TSHR: variants seen among roughly 807,000 people sequenced by gnomAD.
TSHR encodes thyroid stimulating hormone receptor, also known as thyrotropin receptor.
In TSHR, 51 loss-of-function variants were observed where a neutral mutation model predicts 64.1. The observed-to-expected ratio is 0.80, with a 90% CI of 0.64 to 1.01. TSHR has a LOEUF of 1.01. Ranked by LOEUF, TSHR falls within the 50% of genes least tolerant of loss-of-function variation. The pLI is 0.00. For missense variants in TSHR, 877 were observed against 942.8 expected (o/e 0.93, Z 0.91); for synonymous variants, 361 against 361.9 (o/e 1.00, Z 0.03).
chr14:81,028,486 C>A (rs1884185994), intron 1 of TSHR, among the ~76,000 whole-genome samples: 1 of 151,838 alleles, frequency 6.6e-6, no homozygotes, highest in Non-Finnish European at 1.5e-5. Context: ...TGATAAACCC[C>A]CTACATTGAG....
intron 1 of TSHR, among the ~76,000 whole-genome samples, chr14:80,981,647 G>A (rs778056584): frequency 1.3e-5 from 2 of 152,126 alleles, no homozygotes; most frequent in African/African-American, 4.8e-5. Context: ...GTTCACTAGG[G>A]AGTTAACTAA....
intron 1 of TSHR, among the ~76,000 whole-genome samples, chr14:81,010,708 A>G (rs546416119): frequency 1.3e-5 from 2 of 152,284 alleles, no homozygotes; most frequent in East Asian, 1.9e-4. Flanking sequence ...ACCCCAGTAC[A>G]ATGTTGAATA....
In TSHR at chr14:81,143,613, C is replaced by A. The variant is rs756016910; in HGVS notation, c.1555C>A (p.Arg519Ser). Residue 519 changes from arginine to serine, a missense_variant, in exon 10 of 10, where the codon CGC (arginine) becomes AGC (serine). Physicochemically the swap from Arg to Ser is moderately radical, Grantham distance 110. Transcript: ENST00000298171. ...TACGCTGACGGTCATCACCCTGGAG[C>A]GCTGGTATGCCATCACCTTCGCCAT... is the stretch of plus-strand genomic sequence containing the variant. The part of the protein sequence containing the change: ...VYTLTVITLE[R>S]WYAITFAMRL... 6.2e-7 allele frequency: 1 copy of A among 1,613,798 alleles called. No homozygotes were observed. The highest frequency in any genetic ancestry group is 8.5e-7 in the Non-Finnish European group (1 of 1,180,018).
At chr14:81,028,149 A>G (rs1170771652) in intron 1 of TSHR, among the ~76,000 whole-genome samples, 1 of 152,244 alleles carries the variant, frequency 6.6e-6, no homozygotes, top group Non-Finnish European at 1.5e-5. Context: ...GAGGAACTCA[A>G]GTAGATCATA....
chr14:81,037,223 TAA>T (rs1322391361), intron 1 of TSHR, among the ~76,000 whole-genome samples: 1 of 151,930 alleles, frequency 6.6e-6, no homozygotes, highest in Non-Finnish European at 1.5e-5. Context: ...TAGCCAAAGT[TAA>T]GTTATTATCA....
chr14:81,020,453 T>C (rs1214693563), intron 1 of TSHR, among the ~76,000 whole-genome samples: 1 of 152,190 alleles, frequency 6.6e-6, no homozygotes, highest in African/African-American at 2.4e-5. Flanking sequence ...GCAGTGGCAT[T>C]AGATTCTTAT....
chr14:81,063,376 A>G (rs1185897293), intron 2 of TSHR, among the ~76,000 whole-genome samples: 3 of 152,078 alleles, frequency 2.0e-5, no homozygotes, highest in African/African-American at 7.2e-5. Flanking sequence ...AAACACTCCC[A>G]TTCCTTGGGC....
chr14:80,957,374 C>T (rs531406344), intron 1 of TSHR, among the ~76,000 whole-genome samples: 1 of 151,976 alleles, frequency 6.6e-6, no homozygotes, highest in East Asian at 1.9e-4. Flanking sequence ...TGCATGCCCA[C>T]TCAAGCAGGA....
Position 81,068,377 on chromosome 14 carries a change from G to T in TSHR, c.317+49G>T, listed in dbSNP as rs199577737. 6.6e-4 allele frequency: 1,047 copies of T among 1,575,878 alleles called. 1 individual carries two copies. The highest frequency in any genetic ancestry group is 9.5e-4 in the South Asian group (85 of 89,916). ...ATAGACCTAAGCCACAACCACTCTT[G>T]ACTGATAATCTTGGGGCTCCAGATG... On this transcript the variant is annotated intron_variant, in intron 3 of 9. Transcript: ENST00000298171.
chr14:80,976,920 T>G (rs1887909959), intron 1 of TSHR, among the ~76,000 whole-genome samples: 1 of 152,230 alleles, frequency 6.6e-6, no homozygotes. Flanking sequence ...ATATAGAGGT[T>G]TGTGATGCAG....
chr14:81,029,581 A>T (rs1214909448), intron 1 of TSHR, among the ~76,000 whole-genome samples: 2 of 152,186 alleles, frequency 1.3e-5, no homozygotes, highest in Non-Finnish European at 1.5e-5. Context: ...TTAATGAGAA[A>T]AAAACCCAAA....
chr14:81,065,004 A>C (rs989046809), intron 2 of TSHR, among the ~76,000 whole-genome samples: 2 of 152,174 alleles, frequency 1.3e-5, no homozygotes, highest in Admixed American at 1.3e-4. Context: ...GGTTCTTGTC[A>C]CATGGCCATA....
intron 3 of TSHR, among the ~76,000 whole-genome samples, chr14:81,081,134 C>T (rs1035934198): frequency 6.6e-5 from 10 of 152,052 alleles, no homozygotes; most frequent in Non-Finnish European, 8.8e-5. Context: ...TATGACCCTG[C>T]CTGTGAATAG....
intron 2 of TSHR, among the ~76,000 whole-genome samples, chr14:81,065,005 C>A (rs187025646): frequency 1.3e-5 from 2 of 152,164 alleles, no homozygotes; most frequent in African/African-American, 4.8e-5. Context: ...GTTCTTGTCA[C>A]ATGGCCATAA....
intron 1 of TSHR, chr14:81,013,575 A>G (rs1262209538): frequency 6.6e-6 from 1 of 152,198 alleles, no homozygotes; most frequent in African/African-American, 2.4e-5. Flanking sequence ...TTTCCAGCCA[A>G]TAAAAATTTA....
intron 3 of TSHR, among the ~76,000 whole-genome samples, chr14:81,074,154 A>C (rs116052163): frequency 0.014 from 2,058 of 152,318 alleles, 60 homozygotes; most frequent in African/African-American, 0.046. Context: ...AATTAAAAAG[A>C]GAATGAGTTT....
chr14:81,054,257 C>T (rs1885615861), intron 1 of TSHR, among the ~76,000 whole-genome samples: 1 of 152,176 alleles, frequency 6.6e-6, no homozygotes, highest in African/African-American at 2.4e-5. Context: ...GTGACTTGCT[C>T]CTCCTTGCCT....
At chr14:81,069,396 A>G (rs551362576) in intron 3 of TSHR, among the ~76,000 whole-genome samples, 1 of 152,322 alleles carries the variant, frequency 6.6e-6, no homozygotes, top group Admixed American at 6.5e-5. Context: ...GCTACCTTAC[A>G]TCAGATCAAC....
intron 4 of TSHR, among the ~76,000 whole-genome samples, chr14:81,089,758 T>G (rs1344959656): frequency 2.0e-5 from 3 of 152,202 alleles, no homozygotes; most frequent in Non-Finnish European, 2.9e-5. Flanking sequence ...CCTCCTACTG[T>G]TCTTCATGAG....
Sources: gnomAD v4.1 joint callset for allele counts (sites outside exome capture counted in the v4.1 genomes callset) on GRCh38, gnomAD v4.1.1 for gene constraint, MANE v1.5 for transcripts, NCBI Gene and HGNC (gene_info 2026-07-23, HGNC 2026-07-21) for gene names.